Variants in PPP2R3A observed in about 807,000 individuals in gnomAD.
PPP2R3A encodes the protein protein phosphatase 2 regulatory subunit B''alpha.
Under a neutral mutation model 106.9 loss-of-function variants are expected in PPP2R3A, and 80 were observed. The observed-to-expected ratio is 0.75, with a 90% CI of 0.62 to 0.90. The LOEUF is 0.90. Among genes scored for constraint, PPP2R3A ranks in the 40% least tolerant of loss-of-function variants. The pLI, the probability that PPP2R3A is intolerant of heterozygous loss-of-function variation, is 0.00. For missense variants in PPP2R3A, 1,386 were observed against 1,350.4 expected (o/e 1.03, Z -0.41); for synonymous variants, 483 against 468.3 (o/e 1.03, Z -0.41).
intron 7 of PPP2R3A, 31 bp downstream of exon 7, chr3:136,078,484 G>T: frequency 7.6e-7 from 1 of 1,316,488 alleles, no homozygotes; most frequent in South Asian, 1.2e-5. Context: ...CATGTGTAAT[G>T]AGCAATTTAG....
At chr3:136,128,010 GA>G (rs1024835133) in intron 13 of PPP2R3A, among the ~76,000 whole-genome samples, 3 of 152,158 alleles carry the variant, frequency 2.0e-5, no homozygotes, top group African/African-American at 7.2e-5. Context: ...GCTCCTGAAG[GA>G]AGCACTAAAC....
intron 2 of PPP2R3A, among the ~76,000 whole-genome samples, chr3:136,012,505 A>G (rs557849453): frequency 1.3e-5 from 2 of 152,218 alleles, no homozygotes; most frequent in Non-Finnish European, 2.9e-5. Flanking sequence ...TGCTGCAGCC[A>G]GTGAAGTCAA....
At chr3:136,087,735 T>C (rs1046884459) in intron 8 of PPP2R3A, 148 bp from the exon 9 acceptor site, 2 of 526,624 alleles carry the variant, frequency 3.8e-6, no homozygotes, top group Non-Finnish European at 6.8e-6. Flanking sequence ...ATTAAAATTA[T>C]GCGTAAATAA....
intron 2 of PPP2R3A, among the ~76,000 whole-genome samples, chr3:136,024,464 A>G (rs565739750): frequency 7.9e-5 from 12 of 152,320 alleles, no homozygotes; most frequent in Non-Finnish European, 5.9e-5. Context: ...ATAGTTGCCT[A>G]TCAGTGAATT....
intron 8 of PPP2R3A, among the ~76,000 whole-genome samples, chr3:136,085,368 C>T (rs1936899019): frequency 6.6e-6 from 1 of 152,162 alleles, no homozygotes; most frequent in South Asian, 2.1e-4. Context: ...GAGGCCTCCC[C>T]AGCCATGTGG....
intron 13 of PPP2R3A, among the ~76,000 whole-genome samples, chr3:136,118,816 A>G (rs910014454): frequency 2.0e-5 from 3 of 152,236 alleles, no homozygotes; most frequent in Admixed American, 1.3e-4. Context: ...TATAGATTCA[A>G]TGCTATCCCC....
chr3:136,079,078 T>A (rs1440370710), intron 7 of PPP2R3A: 1 of 379,906 alleles, frequency 2.6e-6, no homozygotes, highest in East Asian at 7.3e-5. Flanking sequence ...TTAAGAATCA[T>A]ACTAAATGGA....
intron 2 of PPP2R3A, chr3:136,022,818 G>A: frequency 8.0e-7 from 1 of 1,255,838 alleles, no homozygotes; most frequent in Non-Finnish European, 1.0e-6. Context: ...GCCCACTGCA[G>A]GCTGTGTTTA....
intron 2 of PPP2R3A, among the ~76,000 whole-genome samples, chr3:136,009,100 A>G (rs915343472): frequency 2.1e-4 from 32 of 152,046 alleles, no homozygotes; most frequent in Admixed American, 3.3e-4. Context: ...TTACCGGCAA[A>G]GTTTCCTATG....
At chr3:135,997,271 C>G (rs561445971) in intron 1 of PPP2R3A, among the ~76,000 whole-genome samples, 8 of 152,188 alleles carry the variant, frequency 5.3e-5, no homozygotes, top group Non-Finnish European at 1.0e-4. Flanking sequence ...ATTGGCAAAT[C>G]CAGTTTTTTG....
intron 1 of PPP2R3A, among the ~76,000 whole-genome samples, chr3:135,979,127 C>T (rs944603408): frequency 1.3e-5 from 2 of 151,524 alleles, no homozygotes; most frequent in African/African-American, 4.9e-5. Flanking sequence ...GCCTGTAATC[C>T]CAGCACTTTG....
At chr3:135,978,502 T>A (rs991526777) in intron 1 of PPP2R3A, among the ~76,000 whole-genome samples, 1 of 151,734 alleles carries the variant, frequency 6.6e-6, no homozygotes, top group South Asian at 2.1e-4. Flanking sequence ...TTTGTAATTG[T>A]ACCCTTTAGA....
chr3:135,966,797 T>G lies in PPP2R3A; in HGVS notation c.-441+948T>G, dbSNP rs376680773. Among the ~76,000 whole-genome samples, 3 of 152,260 alleles carry G rather than the reference T, an allele frequency of 2.0e-5. No homozygotes were observed. The East Asian group carries it at 5.8e-4, about 29-fold the overall frequency. ...TAATTCCTTCCAACATCTGAGGAAG[T>G]ATTCCTCCTCAAATCTTCATTTATG... On this transcript the variant is annotated intron_variant, in intron 1 of 13. Coordinates refer to ENST00000264977, the MANE Select transcript of PPP2R3A (RefSeq NM_002718.5).
intron 13 of PPP2R3A, 119 bp from the exon 14 acceptor site, chr3:136,144,924 C>G (rs1416509393): frequency 1.8e-6 from 2 of 1,127,776 alleles, no homozygotes; most frequent in Non-Finnish European, 2.5e-6. Context: ...CTCACGGCCT[C>G]CATTTAGCAA....
chr3:136,018,801 A>G (rs1298137188), intron 2 of PPP2R3A, among the ~76,000 whole-genome samples: 1 of 152,216 alleles, frequency 6.6e-6, no homozygotes, highest in Admixed American at 6.5e-5. Flanking sequence ...TCTCTTCCAT[A>G]TAACTCTGCC....
chr3:136,135,105 A>G (rs1039803947), intron 13 of PPP2R3A, among the ~76,000 whole-genome samples: 3 of 152,120 alleles, frequency 2.0e-5, no homozygotes, highest in Admixed American at 2.0e-4. Flanking sequence ...TGGAAGGAAG[A>G]AAGAGGAGGC....
At chr3:136,080,181 G>A (rs920840758) in intron 7 of PPP2R3A, among the ~76,000 whole-genome samples, 3 of 152,014 alleles carry the variant, frequency 2.0e-5, no homozygotes, top group Non-Finnish European at 2.9e-5. Context: ...GTGTCTCAGG[G>A]TTTTTTTCAT....
At chr3:136,088,018 T>A (rs1266212523) in intron 9 of PPP2R3A, 87 bp downstream of exon 9, 20 of 1,188,618 alleles carry the variant, frequency 1.7e-5, no homozygotes, top group Non-Finnish European at 2.3e-5. Context: ...CTGAATAATT[T>A]GGCAGTGCTA....
At chr3:136,062,764 G>T (rs1362050184) in intron 5 of PPP2R3A, among the ~76,000 whole-genome samples, 1 of 150,708 alleles carries the variant, frequency 6.6e-6, no homozygotes, top group African/African-American at 2.4e-5. Flanking sequence ...GATGAAGCCT[G>T]TGTCAATAAG....
Sources: gnomAD v4.1 joint callset for allele counts (sites outside exome capture counted in the v4.1 genomes callset) on GRCh38, gnomAD v4.1.1 for gene constraint, MANE v1.5 for transcripts, NCBI Gene and HGNC (gene_info 2026-07-23, HGNC 2026-07-21) for gene names.